The following PLEKHG6 variants were observed in gnomAD, a reference collection of about 807,000 sequenced individuals.
The protein encoded by PLEKHG6 is pleckstrin homology domain-containing family G member 6.
Under a neutral mutation model 97.5 loss-of-function variants are expected in PLEKHG6, and 91 were observed. The observed-to-expected ratio is 0.93, with a 90% CI of 0.79 to 1.11. The LOEUF is 1.11. Among genes scored for constraint, PLEKHG6 ranks in the 50% most tolerant of loss-of-function variants. The probability of loss-of-function intolerance (pLI) is 0.00; values close to 1 mark genes in which losing one functional copy is unlikely to be tolerated. For missense variants in PLEKHG6, 1,044 were observed against 1,031.0 expected (o/e 1.01, Z -0.17); for synonymous variants, 466 against 425.5 (o/e 1.10, Z -1.17).
intron 13 of PLEKHG6, among the ~76,000 whole-genome samples, chr12:6,323,624 C>T (rs1303009551): frequency 6.6e-6 from 1 of 152,170 alleles, no homozygotes; most frequent in African/African-American, 2.4e-5. Context: ...TCAGAGATGG[C>T]GACCAAGAAA....
At position 6,328,285 on chromosome 12, in the gene PLEKHG6, G is replaced by A. The variant is rs1219423365; in HGVS notation, c.*140G>A. ...GCCTGGCCCAGGCACCCTGCCTCCTGCTCTGTTTGGGGATCAAGAACTGTA... is the reference window on the plus strand; with the variant it reads ...GCCTGGCCCAGGCACCCTGCCTCCTACTCTGTTTGGGGATCAAGAACTGTA... On this transcript the variant is annotated 3_prime_UTR_variant, in exon 16 of 16. Coordinates refer to ENST00000684764, the MANE Select transcript of PLEKHG6 (RefSeq NM_001384598.1). 2 of 770,096 alleles carry A rather than the reference G, an allele frequency of 2.6e-6. No individual in the cohort carries two copies. The highest frequency in any genetic ancestry group is 1.6e-5 in the South Asian group (1 of 62,032). 47.7% of individuals were successfully genotyped at this position (770,096 alleles called of 1,614,324 possible). A position where few individuals can be genotyped will look rare whatever the true frequency, so the allele number is the denominator to read the frequency against.
At chr12:6,313,229 A>G (rs1421582738) in intron 2 of PLEKHG6, 4 of 1,523,896 alleles carry the variant, frequency 2.6e-6, no homozygotes, top group Non-Finnish European at 2.7e-6. Context: ...CTGGTCATAG[A>G]CAAGGAGAGT....
intron 13 of PLEKHG6, among the ~76,000 whole-genome samples, chr12:6,323,870 C>T (rs1286123057): frequency 1.3e-5 from 2 of 152,168 alleles, no homozygotes; most frequent in Non-Finnish European, 2.9e-5. Context: ...GGGCCTGCTG[C>T]TGACTGGGGA....
At chr12:6,319,152 G>A (rs768290951) in intron 13 of PLEKHG6, 44 bp downstream of exon 13, 9 of 1,344,582 alleles carry the variant, frequency 6.7e-6, no homozygotes, top group East Asian at 2.4e-5. Context: ...AGGGGTCCCC[G>A]GAGCTCAGAA....
rs772249643 is a variant in PLEKHG6, at chr12:6,313,727, C to T, written c.237C>T (p.Pro79=). ...LSPMRLRDPE[P]EKRHGGHVGA... The stretch of plus-strand genomic sequence containing the variant: ...CCATGAGACTGCGAGATCCAGAGCC[C>T]GAGAAGAGGCACGGGGGCCATGTGG... The change falls in exon 3 of 16, where the codon CCC becomes CCT. Residue 79 remains proline, a synonymous_variant. Transcript: ENST00000684764. 27 of 1,611,234 alleles carry T rather than the reference C, an allele frequency of 1.7e-5. No individual in the cohort carries two copies. The highest frequency in any genetic ancestry group is 5.1e-5 in the Admixed American group (3 of 59,370).
At chr12:6,317,252 C>T in intron 7 of PLEKHG6, 51 bp from the exon 8 acceptor site, 5 of 1,194,972 alleles carry the variant, frequency 4.2e-6, no homozygotes, top group Non-Finnish European at 6.3e-6. Flanking sequence ...AGCCTGTATT[C>T]ATGGCCTTCT....
intron 2 of PLEKHG6, 49 bp downstream of exon 2, chr12:6,312,413 G>C (rs1947303609): frequency 6.5e-7 from 1 of 1,541,004 alleles, no homozygotes; most frequent in East Asian, 2.5e-5. Flanking sequence ...CAGGAGGGAA[G>C]ACACCTAGGC....
At position 6,316,177 on chromosome 12, in the gene PLEKHG6, G is replaced by T. The variant is rs1592024443; in HGVS notation, c.607-78G>T. On this transcript the variant is annotated intron_variant, in intron 6 of 15. Transcript: ENST00000684764. This position sits in a 1 kb window ranked among gnomAD's most constrained non-coding sequence, Gnocchi z 4.1. ...CCCGCCCCTGCTGTCCAAGCTTAAG[G>T]TCCTCACCTTTCCTCAGCCAGTGCC... The T allele has an allele frequency of 4.3e-6, 6 of 1,398,848 alleles. No individual in the cohort carries two copies. The East Asian group carries it at 1.5e-4, about 35-fold the overall frequency. The allele number at this position is 1,398,848 out of a possible 1,614,324, so 86.7% of individuals were successfully genotyped here.
At position 6,317,878 on chromosome 12, in the gene PLEKHG6, C is replaced by T; in HGVS notation, c.1039C>T (p.Leu347=). ...CTAGATTGAAGCCGTGGAGTCATTC[C>T]TGCGACACATCAATGGGCAGGTCCG... is the stretch of plus-strand genomic sequence containing the variant. ...NAMIEAVESF[L]RHINGQVRQG... is the part of the protein sequence containing the mutation. Residue 347 remains leucine (L), a synonymous_variant, in exon 10 of 16, where the codon CTG becomes TTG. Transcript: ENST00000684764. The T allele has an allele frequency of 6.4e-7, 1 of 1,555,442 alleles. No individual in the cohort carries two copies. Among genetic ancestry groups the T allele is most frequent in the Non-Finnish European group, 8.7e-7 (1 of 1,148,890 alleles).
Position 6,312,221 on chromosome 12 carries a change from G to C in PLEKHG6, c.-6G>C. On this transcript the variant is annotated 5_prime_UTR_variant, in exon 2 of 16. Transcript: ENST00000684764. ...GGCCCTTTGGAGGTGACCCAGGAGA[G>C]AAGGGATGAAGGCCTTTGGTCCTCC... The C allele has an allele frequency of 2.7e-6, 4 of 1,493,672 alleles. No homozygotes were observed. The highest frequency in any genetic ancestry group is 3.5e-6 in the Non-Finnish European group (4 of 1,127,198). The allele number at this position is 1,493,672 out of a possible 1,614,324, so 92.5% of individuals were successfully genotyped here.
chr12:6,314,523 A>AG (rs373584642), intron 3 of PLEKHG6, among the ~76,000 whole-genome samples: 398 of 152,226 alleles, frequency 2.6e-3, no homozygotes, highest in African/African-American at 8.5e-3. Context: ...GAAAAAAAAA[A>AG]GAAACCTGTA....
At position 6,327,269 on chromosome 12, in the gene PLEKHG6, G is replaced by T. The variant is rs1053049855; in HGVS notation, c.1686G>T (p.Ser562=). The stretch of plus-strand genomic sequence containing the variant: ...TTAACTGTAGGACTCCTGAGTTCTC[G>T]ACCATTATCCCCCACCTGGTGGTGA... ...SSAEGRTPEF[S]TIIPHLVVTE... is the part of the protein sequence containing the mutation. Residue 562 remains serine (S), a synonymous_variant, in exon 15 of 16, where the codon TCG becomes TCT. Transcript: ENST00000684764. The T allele has an allele frequency of 6.3e-7, 1 of 1,598,126 alleles. No homozygotes were observed. The highest frequency in any genetic ancestry group is 2.2e-5 in the East Asian group (1 of 44,626).
intron 2 of PLEKHG6, 188 bp downstream of exon 2, chr12:6,312,552 A>T: frequency 8.7e-7 from 1 of 1,153,140 alleles, no homozygotes; most frequent in Non-Finnish European, 1.1e-6. Flanking sequence ...ATCACACCCC[A>T]GTCCCAGCAG....
chr12:6,321,893 A>G (rs1198782670), intron 13 of PLEKHG6, among the ~76,000 whole-genome samples: 1 of 151,978 alleles, frequency 6.6e-6, no homozygotes, highest in Non-Finnish European at 1.5e-5. Context: ...TAAAGTCTAT[A>G]CTGAATTCAG....
At chr12:6,324,316 C>T (rs983644827) in intron 13 of PLEKHG6, among the ~76,000 whole-genome samples, 2 of 151,538 alleles carry the variant, frequency 1.3e-5, no homozygotes, top group Non-Finnish European at 2.9e-5. Context: ...CCTCCTCCAG[C>T]CTCTTCCTGG....
chr12:6,315,957 G>C lies in PLEKHG6; in HGVS notation c.606+38G>C. On this transcript the variant is annotated intron_variant, in intron 6 of 15. Coordinates refer to ENST00000684764, the MANE Select transcript of PLEKHG6 (RefSeq NM_001384598.1). This position sits in a 1 kb window ranked among gnomAD's most constrained non-coding sequence, Gnocchi z 4.5. ...TCAGGAGGGGACCCTGGCACAGCCC[G>C]ACCTCTGAGCCTGGGGATGAGGGTG... 6.5e-7 allele frequency: 1 copy of C among 1,532,352 alleles called. No individual in the cohort carries two copies. Among genetic ancestry groups the C allele is most frequent in the Non-Finnish European group, 8.9e-7 (1 of 1,128,606 alleles). 94.9% of individuals were successfully genotyped at this position (1,532,352 alleles called of 1,614,324 possible).
intron 13 of PLEKHG6, among the ~76,000 whole-genome samples, chr12:6,320,013 C>T (rs1366987407): frequency 6.6e-6 from 1 of 152,178 alleles, no homozygotes; most frequent in East Asian, 1.9e-4. Flanking sequence ...AAGGGAAGGG[C>T]ATTCCACATG....
Position 6,327,478 on chromosome 12 carries a change from G to GT in PLEKHG6, c.1896dup (p.Pro633SerfsTer37). The GT allele has an allele frequency of 6.2e-7, 1 of 1,610,258 alleles. No individual in the cohort carries two copies. Among genetic ancestry groups the GT allele is most frequent in the Admixed American group, 1.7e-5 (1 of 59,892 alleles). On this transcript the variant is annotated frameshift_variant, in exon 15 of 16. Coordinates refer to ENST00000684764, the MANE Select transcript of PLEKHG6 (RefSeq NM_001384598.1). LOFTEE classifies it high-confidence loss of function. Reference sequence around the variant, plus strand: ...CTGGAACTCCGGGACATCCCTCTGCGTCCCCACCCTCCCGACCCCCAAGCT... The same window carrying GT: ...CTGGAACTCCGGGACATCCCTCTGCGTTCCCCACCCTCCCGACCCCCAAGCT...
rs2136800415 is a variant in PLEKHG6 at position 6,327,588 on chromosome 12, G to A, written c.2005G>A (p.Glu669Lys). The change falls in exon 15 of 16, where the codon GAG becomes AAG. Residue 669 changes from glutamate (E) to lysine (K), a missense_variant. Coordinates refer to ENST00000684764, the MANE Select transcript of PLEKHG6 (RefSeq NM_001384598.1). Reference sequence around the variant, plus strand: ...CCAGGAAGACCCACCAACCTGGTCTGAGGAAGAAGATGGGGCCTCCGAGCG... The same window carrying A: ...CCAGGAAGACCCACCAACCTGGTCTAAGGAAGAAGATGGGGCCTCCGAGCG... ...LPQEDPPTWS[E>K]EEDGASERGN... 6.3e-7 allele frequency: 1 copy of A among 1,591,952 alleles called. No homozygotes were observed. Among genetic ancestry groups the A allele is most frequent in the Non-Finnish European group, 8.6e-7 (1 of 1,169,484 alleles).
Sources: allele counts gnomAD v4.1 joint callset (sites outside exome capture counted in the v4.1 genomes callset), GRCh38; gene constraint gnomAD v4.1.1; non-coding constraint Gnocchi (gnomAD v3.1); transcripts MANE v1.5; gene names NCBI Gene and HGNC (gene_info 2026-07-23, HGNC 2026-07-21).